Variants in SLC4A4 observed in about 807,000 individuals in gnomAD.
SLC4A4 encodes solute carrier family 4 member 4, also known as electrogenic sodium bicarbonate cotransporter 1.
SLC4A4 carries 27 observed loss-of-function variants against 111.5 expected under a neutral mutation model. That is an observed-to-expected ratio of 0.24 (90% CI 0.18 to 0.33). SLC4A4 has a LOEUF of 0.33. SLC4A4 is among the 10% of genes least tolerant of loss of function. The pLI is 1.00. For missense variants in SLC4A4, 909 were observed against 1,315.5 expected (o/e 0.69, Z 4.78); for synonymous variants, 443 against 463.4 (o/e 0.96, Z 0.57).
At chr4:71,402,577 T>C (rs1242447033) in intron 7 of SLC4A4, among the ~76,000 whole-genome samples, 1 of 152,204 alleles carries the variant, frequency 6.6e-6, no homozygotes, top group Non-Finnish European at 1.5e-5. Flanking sequence ...TTTAGCATGT[T>C]TTCAGGGAGC....
chr4:71,098,801 C>T (rs1438349504), intron 2 of SLC4A4, among the ~76,000 whole-genome samples: 2 of 152,024 alleles, frequency 1.3e-5, no homozygotes, highest in Non-Finnish European at 2.9e-5. Flanking sequence ...CAGAAAAAAG[C>T]AGGGGTTGCA....
rs75343522 is a variant in SLC4A4 at position 71,174,305 on chromosome 4, A to G, written c.-1-62271A>G. ...GTCTTACTCTGTTGCCTCTGAGCAC[A>G]GAGGTATGATCTCAGCTCACTGCAG... On this transcript the variant is annotated intron_variant, in intron 2 of 26. Coordinates refer to the SLC4A4 transcript ENST00000649996. 9.3e-3 allele frequency among the ~76,000 whole-genome samples: 1,405 copies of G among 150,612 alleles called. 17 individuals carry two copies. The highest frequency in any genetic ancestry group is 0.013 in the Non-Finnish European group (885 of 67,772).
At chr4:71,318,964 G>C (rs1487030575) in intron 3 of SLC4A4, among the ~76,000 whole-genome samples, 1 of 151,752 alleles carries the variant, frequency 6.6e-6, no homozygotes, top group Admixed American at 6.6e-5. Context: ...ACATATCTTA[G>C]GCTATAACAA....
intron 1 of SLC4A4, among the ~76,000 whole-genome samples, chr4:71,204,915 A>T (rs1717659885): frequency 6.6e-6 from 1 of 152,210 alleles, no homozygotes; most frequent in Non-Finnish European, 1.5e-5. Flanking sequence ...AGACAAAATA[A>T]ATATGGAATA....
chr4:71,482,311 A>G (rs940828505), intron 14 of SLC4A4, among the ~76,000 whole-genome samples: 4 of 151,702 alleles, frequency 2.6e-5, no homozygotes, highest in Non-Finnish European at 5.9e-5. Flanking sequence ...AAAGTGTTAT[A>G]TACTTTTTAC....
intron 2 of SLC4A4, among the ~76,000 whole-genome samples, chr4:71,107,160 G>C (rs1742954487): frequency 6.6e-6 from 1 of 151,930 alleles, no homozygotes; most frequent in South Asian, 2.1e-4. Flanking sequence ...ATAGCATATA[G>C]TTAGATCATG....
chr4:71,375,092 T>C (rs747865365), intron 6 of SLC4A4, among the ~76,000 whole-genome samples: 12 of 152,226 alleles, frequency 7.9e-5, no homozygotes, highest in Non-Finnish European at 1.3e-4. Flanking sequence ...CTTTTGTTCA[T>C]GTCCTTATTT....
intron 6 of SLC4A4, among the ~76,000 whole-genome samples, chr4:71,393,429 AT>A (rs1397963551): frequency 6.6e-6 from 1 of 152,174 alleles, no homozygotes; most frequent in Non-Finnish European, 1.5e-5. Context: ...CTGCAAAAAA[AT>A]AAAATACTTA....
intron 1 of SLC4A4, among the ~76,000 whole-genome samples, chr4:71,195,462 T>A (rs1371574824): frequency 6.6e-6 from 1 of 152,196 alleles, no homozygotes; most frequent in Non-Finnish European, 1.5e-5. Context: ...GAAAATGGAA[T>A]CATCTGGTAT....
intron 12 of SLC4A4, among the ~76,000 whole-genome samples, chr4:71,458,966 A>G (rs1017194801): frequency 6.6e-6 from 1 of 152,018 alleles, no homozygotes; most frequent in Non-Finnish European, 1.5e-5. Flanking sequence ...TGTTGGAATG[A>G]CACAATTTTG....
At chr4:71,201,828 GT>G (rs1241294037) in intron 1 of SLC4A4, among the ~76,000 whole-genome samples, 5 of 152,138 alleles carry the variant, frequency 3.3e-5, no homozygotes, top group African/African-American at 1.2e-4. Flanking sequence ...TACCATTTGT[GT>G]TTTTAATTTT....
chr4:71,460,288 A>T (rs1193848522), intron 12 of SLC4A4, among the ~76,000 whole-genome samples: 1 of 151,934 alleles, frequency 6.6e-6, no homozygotes, highest in Non-Finnish European at 1.5e-5. Flanking sequence ...TTTCGTTTAA[A>T]TTTTTTATCC....
At position 71,522,976 on chromosome 4, in the gene SLC4A4, A is replaced by C. The variant is rs771486779; in HGVS notation, c.2167-9086A>C. 2.6e-5 allele frequency among the ~76,000 whole-genome samples: 4 copies of C among 152,112 alleles called. No individual in the cohort carries two copies. The South Asian group carries it at 8.3e-4, about 32-fold the overall frequency. ...GTACAATTAGCTGTATTCTAGAACCATTTTTTTAATTGACATTTTGGTCTG... is the reference window on the plus strand; with the variant it reads ...GTACAATTAGCTGTATTCTAGAACCCTTTTTTTAATTGACATTTTGGTCTG... On this transcript the variant is annotated intron_variant, in intron 16 of 25. Coordinates refer to ENST00000264485, the MANE Select transcript of SLC4A4 (RefSeq NM_001098484.3).
intron 2 of SLC4A4, among the ~76,000 whole-genome samples, chr4:71,254,650 G>GT (rs773331879): frequency 2.0e-4 from 30 of 147,110 alleles, no homozygotes; most frequent in Non-Finnish European, 4.1e-4. Context: ...TGCTGATTAG[G>GT]TAAAAAAAAA....
At chr4:71,344,014 A>ATG (rs1729108691) in intron 4 of SLC4A4, among the ~76,000 whole-genome samples, 1 of 151,798 alleles carries the variant, frequency 6.6e-6, no homozygotes, top group African/African-American at 2.4e-5. Flanking sequence ...TATAATTGAA[A>ATG]CCTTCCCCCA....
chr4:71,504,390 G>T (rs993706847), intron 16 of SLC4A4, among the ~76,000 whole-genome samples: 5 of 151,796 alleles, frequency 3.3e-5, no homozygotes, highest in Non-Finnish European at 7.4e-5. Context: ...TCATCTTCTT[G>T]ATCTAGTCTG....
chr4:71,189,968 G>A (rs984103679), intron 1 of SLC4A4, among the ~76,000 whole-genome samples: 3 of 152,124 alleles, frequency 2.0e-5, no homozygotes, highest in African/African-American at 7.2e-5. Context: ...ATGATTTGAT[G>A]GGACAAAGGA....
chr4:71,480,740 GT>G (rs1728799571), intron 14 of SLC4A4, among the ~76,000 whole-genome samples: 1 of 151,694 alleles, frequency 6.6e-6, no homozygotes, highest in Non-Finnish European at 1.5e-5. Flanking sequence ...TAGTCTTAAA[GT>G]TTTTCTTGTT....
intron 7 of SLC4A4, among the ~76,000 whole-genome samples, chr4:71,409,656 A>G (rs1445221525): frequency 1.3e-5 from 2 of 152,240 alleles, no homozygotes; most frequent in African/African-American, 4.8e-5. Context: ...GTAGAAAAGA[A>G]AAACCCATGT....
Sources: allele counts gnomAD v4.1 joint callset (sites outside exome capture counted in the v4.1 genomes callset), GRCh38; gene constraint gnomAD v4.1.1; transcripts MANE v1.5; gene names NCBI Gene and HGNC (gene_info 2026-07-23, HGNC 2026-07-21).